RAB35: variants seen among roughly 807,000 people sequenced by gnomAD.
RAB35 encodes the protein RAB35, member RAS oncogene family.
RAB35 carries 4 observed loss-of-function variants against 28.9 expected under a neutral mutation model. That is an observed-to-expected ratio of 0.14 (90% CI 0.07 to 0.32). The LOEUF (loss-of-function observed/expected upper bound fraction) is 0.32. Among genes scored for constraint, RAB35 ranks in the 10% least tolerant of loss-of-function variants. RAB35 has a pLI of 1.00. For missense variants in RAB35, 128 were observed against 274.0 expected (o/e 0.47, Z 3.76); for synonymous variants, 99 against 105.1 (o/e 0.94, Z 0.35).
chr12:120,110,860 A>T (rs964942671), intron 1 of RAB35, among the ~76,000 whole-genome samples: 5 of 152,198 alleles, frequency 3.3e-5, no homozygotes, highest in African/African-American at 1.2e-4. Context: ...GCTCAGGGCC[A>T]CTTCCTCCTT....
chr12:120,098,604 T>C (rs1039182360), intron 5 of RAB35, among the ~76,000 whole-genome samples: 2 of 152,260 alleles, frequency 1.3e-5, no homozygotes, highest in Non-Finnish European at 2.9e-5. Context: ...GTTTCCCTAT[T>C]TGAAATGTGG....
chr12:120,104,748 C>T (rs1875805269), intron 2 of RAB35, among the ~76,000 whole-genome samples: 1 of 152,144 alleles, frequency 6.6e-6, no homozygotes, highest in South Asian at 2.1e-4. Flanking sequence ...ATCCTCCCAC[C>T]TCAGCCTCCT....
intron 2 of RAB35, 105 bp from the exon 3 acceptor site, chr12:120,104,054 A>T: frequency 1.4e-6 from 2 of 1,453,558 alleles, no homozygotes; most frequent in Non-Finnish European, 1.8e-6. Context: ...CTCCCGACTC[A>T]TTACATGTGC....
chr12:120,097,427 C>T, intron 5 of RAB35, 54 bp from the exon 6 acceptor site: 1 of 1,484,580 alleles, frequency 6.7e-7, no homozygotes, highest in Non-Finnish European at 9.2e-7. Context: ...GAGGCCCCTG[C>T]TGGCCTGCAC....
Position 120,096,660 on chromosome 12 carries a change from G to C in RAB35, c.*585C>G, listed in dbSNP as rs938578332. 5.4e-6 allele frequency: 7 copies of C among 1,289,766 alleles called. No homozygotes were observed. The Admixed American group carries it at 1.1e-4, about 21-fold the overall frequency. 79.9% of individuals were successfully genotyped at this position (1,289,766 alleles called of 1,614,324 possible). On this transcript the variant is annotated 3_prime_UTR_variant, in exon 6 of 6. Transcript: ENST00000229340. ...CCCCAGCTCCCAGAATGGCTGTGGGGACAGGACAACGGGGAGGGAAGGGAG... is the reference window on the plus strand; with the variant it reads ...CCCCAGCTCCCAGAATGGCTGTGGGCACAGGACAACGGGGAGGGAAGGGAG...
At chr12:120,099,220 C>A (rs1875560399) in intron 3 of RAB35, 66 bp from the exon 4 acceptor site, 1 of 1,602,106 alleles carries the variant, frequency 6.2e-7, no homozygotes. Context: ...CCGGGACCCA[C>A]CTGCCCACGT....
intron 2 of RAB35, among the ~76,000 whole-genome samples, chr12:120,105,552 G>A (rs1875834679): frequency 6.6e-6 from 1 of 152,184 alleles, no homozygotes; most frequent in Admixed American, 6.5e-5. Context: ...GGAGGGAAGT[G>A]TTGCTGGCAT....
At chr12:120,114,051 T>C (rs964500818) in intron 1 of RAB35, among the ~76,000 whole-genome samples, 13 of 152,168 alleles carry the variant, frequency 8.5e-5, no homozygotes, top group African/African-American at 3.1e-4. Flanking sequence ...TTGCCCCTGC[T>C]GAGCTATGTG....
chr12:120,097,290 C>G lies in RAB35; in HGVS notation c.561G>C (p.Val187=), dbSNP rs780013857. The change falls in exon 6 of 6, where the codon GTG becomes GTC. Residue 187 remains valine, a synonymous_variant. Transcript: ENST00000229340. ...AKQQQQQQND[V]VKLTKNSKRK... ...GTTTACTGTTCTTCGTGAGCTTCACCACATCGTTCTGTTGTTGCTGCTGCT... is the reference window on the plus strand; with the variant it reads ...GTTTACTGTTCTTCGTGAGCTTCACGACATCGTTCTGTTGTTGCTGCTGCT... The G allele has an allele frequency of 5.0e-6, 8 of 1,613,852 alleles. No homozygotes were observed. Among genetic ancestry groups the G allele is most frequent in the Non-Finnish European group, 6.8e-6 (8 of 1,180,060 alleles).
chr12:120,110,058 A>G (rs548881454), intron 1 of RAB35, among the ~76,000 whole-genome samples: 1 of 152,220 alleles, frequency 6.6e-6, no homozygotes, highest in East Asian at 1.9e-4. Flanking sequence ...AGCAGCAGTA[A>G]AGCTGAGATC....
intron 1 of RAB35, among the ~76,000 whole-genome samples, chr12:120,114,433 C>T (rs538686389): frequency 1.6e-4 from 25 of 152,254 alleles, no homozygotes; most frequent in African/African-American, 4.8e-4. Flanking sequence ...ACACAGGGGG[C>T]GGGTGAGAAT....
rs1026349369 is a variant in RAB35, at chr12:120,103,332, G to T, written c.227+494C>A. On this transcript the variant is annotated intron_variant, in intron 3 of 5. Coordinates refer to ENST00000229340, the MANE Select transcript of RAB35 (RefSeq NM_006861.7). The surrounding 1 kb of genome is among the most constrained non-coding windows in gnomAD (Gnocchi z 6.1). ...GGAACAGCTTTAAGGGTAGGGAAGG[G>T]CCTGCTGACATGCACCGTGTTCGTC... 1.3e-5 allele frequency among the ~76,000 whole-genome samples: 2 copies of T among 152,170 alleles called. No homozygotes were observed.
At chr12:120,098,402 G>C (rs910572834) in intron 5 of RAB35, among the ~76,000 whole-genome samples, 3 of 152,250 alleles carry the variant, frequency 2.0e-5, no homozygotes, top group African/African-American at 7.2e-5. Flanking sequence ...CCGCTGCTGT[G>C]TGGCCCCTGT....
chr12:120,114,669 A>G (rs941178895), intron 1 of RAB35, among the ~76,000 whole-genome samples: 8 of 152,348 alleles, frequency 5.3e-5, no homozygotes, highest in Admixed American at 5.2e-4. Context: ...CCTAGGAGCT[A>G]GACCACATAA....
At chr12:120,098,489 G>A (rs1276382553) in intron 5 of RAB35, among the ~76,000 whole-genome samples, 1 of 152,242 alleles carries the variant, frequency 6.6e-6, no homozygotes, top group Non-Finnish European at 1.5e-5. Flanking sequence ...TGAGGCAGAG[G>A]ACTGGAGTGG....
chr12:120,098,613 G>A (rs904860419), intron 5 of RAB35, among the ~76,000 whole-genome samples, 198 bp downstream of exon 5: 1 of 152,252 alleles, frequency 6.6e-6, no homozygotes, highest in Non-Finnish European at 1.5e-5. Context: ...TTTGAAATGT[G>A]GGTATAATTG....
At chr12:120,105,755 C>T (rs1408752083) in intron 2 of RAB35, among the ~76,000 whole-genome samples, 1 of 151,992 alleles carries the variant, frequency 6.6e-6, no homozygotes, top group Non-Finnish European at 1.5e-5. Context: ...AACCCCGTCT[C>T]TACTAAAAAT....
rs1875391728 is a variant in RAB35 at position 120,096,382 on chromosome 12, A to AT, written c.*862dup. On this transcript the variant is annotated 3_prime_UTR_variant, in exon 6 of 6. Coordinates refer to ENST00000229340, the MANE Select transcript of RAB35 (RefSeq NM_006861.7). ...AAAGAAAATAATTGTGAGGAATTTA[A>AT]TTCACTTGATTTGGCTTCATTTTCT... The AT allele has an allele frequency of 8.1e-7, 1 of 1,240,272 alleles. No homozygotes were observed. The allele number at this position is 1,240,272 out of a possible 1,614,324, so 76.8% of individuals were successfully genotyped here.
intron 1 of RAB35, among the ~76,000 whole-genome samples, chr12:120,109,316 G>A (rs919594373): frequency 6.6e-6 from 1 of 152,218 alleles, no homozygotes; most frequent in African/African-American, 2.4e-5. Flanking sequence ...AGCTGGGCGT[G>A]GTGGCACATG....
Sources: allele counts gnomAD v4.1 joint callset (sites outside exome capture counted in the v4.1 genomes callset), GRCh38; gene constraint gnomAD v4.1.1; non-coding constraint Gnocchi (gnomAD v3.1); transcripts MANE v1.5; gene names NCBI Gene and HGNC (gene_info 2026-07-23, HGNC 2026-07-21).